TSN: variants seen among roughly 807,000 people sequenced by gnomAD.
TSN encodes the protein component 3 of promoter of RISC.
TSN carries 5 observed loss-of-function variants against 29.4 expected under a neutral mutation model. That is an observed-to-expected ratio of 0.17 (90% confidence interval 0.09 to 0.36). The LOEUF is 0.36. TSN is among the 10% of genes least tolerant of loss of function. The pLI is 1.00. For synonymous variants in TSN, 106 were observed against 102.2 expected (o/e 1.04, Z -0.23); for missense variants, 159 against 272.8 (o/e 0.58, Z 2.94).
chr2:121,761,072 G>A (rs1266056787), intron 3 of TSN, among the ~76,000 whole-genome samples: 1 of 152,054 alleles, frequency 6.6e-6, no homozygotes. Flanking sequence ...GTTTTGCCAT[G>A]TTGGCCAGGC....
intron 1 of TSN, chr2:121,756,582 C>T (rs570502000): frequency 7.3e-5 from 92 of 1,267,188 alleles, no homozygotes; most frequent in Middle Eastern, 2.1e-4. Context: ...CAGTGCCTCG[C>T]ACATAAGTAT....
intron 3 of TSN, among the ~76,000 whole-genome samples, chr2:121,760,171 C>G (rs961518775): frequency 2.6e-5 from 4 of 152,226 alleles, no homozygotes; most frequent in African/African-American, 9.6e-5. Context: ...CACCTCCTGT[C>G]AGATTGGTGG....
intron 2 of TSN, 65 bp downstream of exon 2, chr2:121,757,398 G>A (rs767860127): frequency 2.5e-6 from 4 of 1,606,668 alleles, no homozygotes; most frequent in East Asian, 4.5e-5. Flanking sequence ...CTATCCAGAA[G>A]ACATTTTATA....
chr2:121,765,634 T>C lies in TSN; in HGVS notation c.*267T>C, dbSNP rs1291679398. On this transcript the variant is annotated 3_prime_UTR_variant, in exon 6 of 6. Transcript: ENST00000389682. ...TTCCGTCAGAAAGTGTAAATGTTAG[T>C]TTCTTGGTAAAGTCCTTTTCTTGCT... The C allele has an allele frequency of 8.4e-6, 4 of 478,402 alleles. No homozygotes were observed. The highest frequency in any genetic ancestry group is 1.1e-5 in the Non-Finnish European group (3 of 266,858). 29.6% of individuals were successfully genotyped at this position (478,402 alleles called of 1,614,324 possible). A position where few individuals can be genotyped will look rare whatever the true frequency, so the allele number is the denominator to read the frequency against.
At chr2:121,757,094 T>A (rs1488390782) in intron 1 of TSN, 146 bp from the exon 2 acceptor site, 1 of 717,372 alleles carries the variant, frequency 1.4e-6, no homozygotes, top group Non-Finnish European at 2.2e-6. Context: ...TTTAGTGACT[T>A]TTTGAAGTCT....
intron 3 of TSN, 118 bp downstream of exon 3, chr2:121,758,924 G>A: frequency 1.7e-6 from 1 of 590,100 alleles, no homozygotes; most frequent in Non-Finnish European, 2.6e-6. Flanking sequence ...AACAAAAAGA[G>A]AAAAAACCGA....
At chr2:121,755,953 G>T in intron 1 of TSN, 108 bp downstream of exon 1, 2 of 1,559,552 alleles carry the variant, frequency 1.3e-6, no homozygotes, top group Non-Finnish European at 1.7e-6. Context: ...CGCCTCCGAG[G>T]GTGGGTTGCT....
rs1048259102 is a variant in TSN, at chr2:121,765,440, C to G, written c.*73C>G. 4 of 1,381,710 alleles carry G rather than the reference C, an allele frequency of 2.9e-6. No individual in the cohort carries two copies. Among genetic ancestry groups the G allele is most frequent in the Admixed American group, 3.6e-5 (2 of 55,298 alleles). The allele number at this position is 1,381,710 out of a possible 1,614,324, so 85.6% of individuals were successfully genotyped here. ...AGGGGTGAGCACAGAGTGCCTCTTA[C>G]GGTAGTTAGGATGCTCAGTTGCTAA... On this transcript the variant is annotated 3_prime_UTR_variant, in exon 6 of 6. Coordinates refer to ENST00000389682, the MANE Select transcript of TSN (RefSeq NM_004622.3).
chr2:121,756,923 A>G (rs1352585674), intron 1 of TSN, among the ~76,000 whole-genome samples: 1 of 151,968 alleles, frequency 6.6e-6, no homozygotes, highest in Non-Finnish European at 1.5e-5. Context: ...AAAAAAAAAA[A>G]AAGAAAAAAG....
intron 1 of TSN, 24 bp downstream of exon 1, chr2:121,755,869 C>A: frequency 6.2e-7 from 1 of 1,613,842 alleles, no homozygotes; most frequent in Non-Finnish European, 8.5e-7. Flanking sequence ...CTTCCCCATT[C>A]CCTTTGCCTT....
intron 3 of TSN, among the ~76,000 whole-genome samples, chr2:121,759,540 G>A (rs576185732): frequency 2.6e-4 from 40 of 152,092 alleles, no homozygotes; most frequent in African/African-American, 8.9e-4. Flanking sequence ...CCAGGCAGGC[G>A]GAGGTTGCAG....
At chr2:121,764,987 C>T in intron 5 of TSN, 147 bp from the exon 6 acceptor site, 1 of 719,884 alleles carries the variant, frequency 1.4e-6, no homozygotes, top group East Asian at 2.5e-5. Flanking sequence ...AGAGAAGCTC[C>T]TGTCTTGTCT....
rs1335047253 is a variant in TSN, at chr2:121,764,832, GAT to G, written c.454-300_454-299del. Among the ~76,000 whole-genome samples the G allele has an allele frequency of 3.9e-5, 6 of 152,316 alleles. No homozygotes were observed. The East Asian group carries it at 1.2e-3, about 29-fold the overall frequency. ...ATTTTGTCGTTTCTTTCTTCGATAT[GAT>G]AGCAGATGAGCTGTAAAGATGCTTG... On this transcript the variant is annotated intron_variant, in intron 5 of 5. Transcript: ENST00000389682.
intron 3 of TSN, among the ~76,000 whole-genome samples, 172 bp from the exon 4 acceptor site, chr2:121,761,237 G>A (rs2074823730): frequency 1.3e-5 from 2 of 152,072 alleles, no homozygotes; most frequent in South Asian, 2.1e-4. Flanking sequence ...TTATAAATTC[G>A]AACTTGTAAA....
In TSN at chr2:121,755,827, C is replaced by G. The variant is rs1307109095; in HGVS notation, c.48C>G (p.Ala16=). 6.2e-7 allele frequency: 1 copy of G among 1,614,100 alleles called. No individual in the cohort carries two copies. The highest frequency in any genetic ancestry group is 8.5e-7 in the Non-Finnish European group (1 of 1,180,016). Residue 16 remains alanine (A), a synonymous_variant, in exon 1 of 6, where the codon GCC becomes GCG. Coordinates refer to ENST00000389682, the MANE Select transcript of TSN (RefSeq NM_004622.3). ...TGGAGCTGCAGGGCTTTTTGGCTGC[C>G]GAGCAGGACATCCGAGAGGCGAGCC... is the stretch of plus-strand genomic sequence containing the variant. ...IFVELQGFLA[A]EQDIREEIRK... is the part of the protein sequence containing the mutation.
chr2:121,757,781 T>TG (rs1232555508), intron 2 of TSN, among the ~76,000 whole-genome samples: 1 of 152,002 alleles, frequency 6.6e-6, no homozygotes, highest in Non-Finnish European at 1.5e-5. Flanking sequence ...CTCAGCCTCC[T>TG]GAGTAGCTGG....
chr2:121,757,366 C>T, intron 2 of TSN, 33 bp downstream of exon 2: 1 of 1,613,296 alleles, frequency 6.2e-7, no homozygotes, highest in Non-Finnish European at 8.5e-7. Flanking sequence ...AATTATCAGT[C>T]TCTTATTTAG....
At chr2:121,757,565 T>C in intron 2 of TSN, 1 of 739,186 alleles carries the variant, frequency 1.4e-6, no homozygotes, top group South Asian at 1.9e-5. Context: ...TACAATTGCT[T>C]AACCCATTTC....
At chr2:121,757,168 C>T (rs966511151) in intron 1 of TSN, 72 bp from the exon 2 acceptor site, 52 of 1,367,064 alleles carry the variant, frequency 3.8e-5, no homozygotes, top group African/African-American at 5.8e-5. Context: ...CATAAGCTAT[C>T]TAATGTGTTT....
Sources: gnomAD v4.1 joint callset for allele counts (sites outside exome capture counted in the v4.1 genomes callset) on GRCh38, gnomAD v4.1.1 for gene constraint, MANE v1.5 for transcripts, NCBI Gene and HGNC (gene_info 2026-07-23, HGNC 2026-07-21) for gene names.